Variants in L3MBTL4 observed in about 807,000 individuals in gnomAD.
L3MBTL4 encodes lethal(3)malignant brain tumor-like protein 4.
L3MBTL4 carries 70 observed loss-of-function variants against 84.5 expected under a neutral mutation model. The ratio of observed to expected loss-of-function variants is 0.83; its 90% CI spans 0.68 to 1.01. The LOEUF (loss-of-function observed/expected upper bound fraction) is 1.01, where lower values mean the gene tolerates loss of function less well. Ranked by LOEUF, L3MBTL4 falls within the 50% of genes least tolerant of loss-of-function variation. The pLI is 0.00. For missense variants in L3MBTL4, 715 were observed against 754.8 expected (o/e 0.95, Z 0.62); for synonymous variants, 274 against 259.8 (o/e 1.05, Z -0.52).
chr18:6,177,444 A>C (rs1381777569), intron 12 of L3MBTL4, among the ~76,000 whole-genome samples: 1 of 152,208 alleles, frequency 6.6e-6, no homozygotes, highest in Non-Finnish European at 1.5e-5. Context: ...GTCTGGGAGA[A>C]GGATGGGAGC....
Position 6,066,939 on chromosome 18 carries a change from T to C in L3MBTL4, c.1444+13942A>G, listed in dbSNP as rs113104732. On this transcript the variant is annotated intron_variant, in intron 16 of 18. Coordinates refer to ENST00000317931, the MANE Select transcript of L3MBTL4 (RefSeq NM_001330559.2). ...TACTTTGTTTTTTTTTTTTTCATTG[T>C]GTTATTGTTTTATAGGACTTGTGAG... Among the ~76,000 whole-genome samples, 57 of 151,576 alleles carry C rather than the reference T, an allele frequency of 3.8e-4. 2 individuals are homozygous for C. The highest frequency in any genetic ancestry group is 1.4e-3 in the African/African-American group (57 of 41,204).
chr18:6,218,663 A>T (rs1482592118), intron 10 of L3MBTL4, among the ~76,000 whole-genome samples: 1 of 152,218 alleles, frequency 6.6e-6, no homozygotes, highest in Non-Finnish European at 1.5e-5. Context: ...CACTCTCAGA[A>T]ATGAGCTATG....
At chr18:6,294,835 G>C (rs66487637) in intron 4 of L3MBTL4, among the ~76,000 whole-genome samples, 28,421 of 152,100 alleles carry the variant, frequency 0.19, 2,786 homozygotes, top group African/African-American at 0.23. Flanking sequence ...TGTCTTCAGA[G>C]GGGGTTCCTC....
At chr18:6,089,581 C>T (rs1052703578) in intron 15 of L3MBTL4, among the ~76,000 whole-genome samples, 4 of 152,104 alleles carry the variant, frequency 2.6e-5, no homozygotes, top group African/African-American at 9.7e-5. Flanking sequence ...TTGAATTGCA[C>T]GTGGGATTTT....
intron 14 of L3MBTL4, among the ~76,000 whole-genome samples, chr18:6,112,972 C>T (rs76626839): frequency 2.0e-5 from 3 of 151,920 alleles, no homozygotes; most frequent in African/African-American, 2.4e-5. Context: ...CTATAGTGTC[C>T]GGGAATGCAC....
chr18:6,250,381 G>A, intron 5 of L3MBTL4, among the ~76,000 whole-genome samples: 1 of 152,106 alleles, frequency 6.6e-6, no homozygotes, highest in Non-Finnish European at 1.5e-5. Context: ...TATTATATGT[G>A]TGTGCCATCC....
chr18:5,989,258 T>C (rs2053585635), intron 16 of L3MBTL4, among the ~76,000 whole-genome samples: 1 of 152,212 alleles, frequency 6.6e-6, no homozygotes, highest in Non-Finnish European at 1.5e-5. Context: ...CAAAACTGTG[T>C]TGTCCAAACA....
At chr18:6,123,135 G>GT (rs1401016835) in intron 14 of L3MBTL4, among the ~76,000 whole-genome samples, 1 of 152,184 alleles carries the variant, frequency 6.6e-6, no homozygotes, top group Non-Finnish European at 1.5e-5. Flanking sequence ...GCTAGCAATA[G>GT]TTTTGCAATT....
chr18:5,982,274 C>G (rs997185939), intron 16 of L3MBTL4, among the ~76,000 whole-genome samples: 1 of 152,260 alleles, frequency 6.6e-6, no homozygotes, highest in South Asian at 2.1e-4. Flanking sequence ...TCCTGCCACC[C>G]CACCCTTTTC....
At chr18:6,142,020 C>T (rs1312357839) in intron 13 of L3MBTL4, among the ~76,000 whole-genome samples, 1 of 152,202 alleles carries the variant, frequency 6.6e-6, no homozygotes, top group East Asian at 1.9e-4. Flanking sequence ...TGCATGCTGG[C>T]AAGAACATTC....
At chr18:6,149,317 C>T (rs1034189721) in intron 13 of L3MBTL4, among the ~76,000 whole-genome samples, 190 of 150,750 alleles carry the variant, frequency 1.3e-3, no homozygotes, top group African/African-American at 4.4e-3. Context: ...TTTGTCCTTG[C>T]GATAGTTTGC....
rs2054137175 is a variant in L3MBTL4, at chr18:6,370,967, ATGCACAGGAG to A, written c.-91+43824_-91+43833del. Among the ~76,000 whole-genome samples the A allele has an allele frequency of 2.6e-5, 4 of 152,194 alleles. No individual in the cohort carries two copies. The South Asian group carries it at 8.3e-4, about 32-fold the overall frequency. ...TTCTGTGCACAGAGCATTGTGGGGAATGCACAGGAGCAAGTCTTAGTCGCGCCAAGGAGGG... is the reference window on the plus strand; with the variant it reads ...TTCTGTGCACAGAGCATTGTGGGGAACAAGTCTTAGTCGCGCCAAGGAGGG... On this transcript the variant is annotated intron_variant, in intron 1 of 18. Coordinates refer to ENST00000317931, the MANE Select transcript of L3MBTL4 (RefSeq NM_001330559.2).
At chr18:6,315,013 T>C (rs1227660636) in intron 1 of L3MBTL4, among the ~76,000 whole-genome samples, 3 of 152,128 alleles carry the variant, frequency 2.0e-5, no homozygotes, top group Non-Finnish European at 4.4e-5. Flanking sequence ...ATATCCCAGT[T>C]TAAACAATAA....
At chr18:6,284,615 C>T (rs959535930) in intron 4 of L3MBTL4, among the ~76,000 whole-genome samples, 1 of 152,238 alleles carries the variant, frequency 6.6e-6, no homozygotes, top group African/African-American at 2.4e-5. Flanking sequence ...AGCCCCCGGT[C>T]GCTTTTCTTC....
Position 6,235,211 on chromosome 18 carries a change from C to T in L3MBTL4, c.784+2753G>A, listed in dbSNP as rs371482857. Among the ~76,000 whole-genome samples the T allele has an allele frequency of 2.0e-5, 3 of 152,062 alleles. No individual in the cohort carries two copies. In the East Asian group the frequency reaches 5.8e-4, roughly 29 times the overall value. On this transcript the variant is annotated intron_variant, in intron 10 of 18. Transcript: ENST00000317931. ...GGAGGGATAGCATTAGGAGAAATAC[C>T]TAATGTAAATGACGAGTTAATGGGT...
intron 4 of L3MBTL4, among the ~76,000 whole-genome samples, chr18:6,274,054 T>C (rs1409744731): frequency 1.3e-5 from 2 of 152,244 alleles, no homozygotes; most frequent in Non-Finnish European, 2.9e-5. Context: ...TTGAGAATCA[T>C]TGTTCTACTA....
chr18:6,200,418 A>C (rs1369690096), intron 12 of L3MBTL4, among the ~76,000 whole-genome samples: 2 of 152,234 alleles, frequency 1.3e-5, no homozygotes, highest in Non-Finnish European at 2.9e-5. Context: ...CCACACTCAA[A>C]AAACAATCTG....
chr18:6,032,420 T>C, intron 16 of L3MBTL4: 1 of 466,204 alleles, frequency 2.1e-6, no homozygotes, highest in Non-Finnish European at 2.7e-6. Flanking sequence ...ACACACAATC[T>C]GCATCAAAAT....
chr18:6,094,227 C>T (rs1465802496), intron 14 of L3MBTL4, among the ~76,000 whole-genome samples: 2 of 152,316 alleles, frequency 1.3e-5, no homozygotes, highest in South Asian at 4.1e-4. Flanking sequence ...GATGGGCTGT[C>T]TCCATTAGAT....
Sources: allele counts gnomAD v4.1 joint callset (sites outside exome capture counted in the v4.1 genomes callset), GRCh38; gene constraint gnomAD v4.1.1; transcripts MANE v1.5; gene names NCBI Gene and HGNC (gene_info 2026-07-23, HGNC 2026-07-21).